The following CDH4 variants were observed in gnomAD, a reference collection of about 807,000 sequenced individuals.
CDH4 encodes the protein cadherin-4.
Under a neutral mutation model 86.0 loss-of-function variants are expected in CDH4, and 33 were observed. The observed-to-expected ratio is 0.38, with a 90% CI of 0.29 to 0.51. CDH4 has a LOEUF of 0.51. Ranked by LOEUF, CDH4 falls within the 20% of genes least tolerant of loss-of-function variation. The pLI, the probability that CDH4 is intolerant of heterozygous loss-of-function variation, is 0.86. For synonymous variants in CDH4, 555 were observed against 549.4 expected, an observed-to-expected ratio of 1.01 and a Z score of -0.14; for missense variants, 1,114 against 1,307.4, an observed-to-expected ratio of 0.85 and a Z score of 2.28.
At chr20:61,688,129 T>A (rs763839508) in intron 2 of CDH4, among the ~76,000 whole-genome samples, 6 of 152,112 alleles carry the variant, frequency 3.9e-5, no homozygotes, top group Non-Finnish European at 8.8e-5. Flanking sequence ...CCTCTGAGCT[T>A]CTGCAGGGCC....
chr20:61,293,695 C>T lies in CDH4; in HGVS notation c.169+38758C>T, dbSNP rs545706478. On this transcript the variant is annotated intron_variant, in intron 2 of 15. Transcript: ENST00000614565. ...TTTCTCCTCTGCCAAATGAGCACAG[C>T]ACCTCTTGGAGGGAGGTGAGGACCT... is the stretch of plus-strand genomic sequence containing the variant. 6.6e-5 allele frequency among the ~76,000 whole-genome samples: 10 copies of T among 152,304 alleles called. No homozygotes were observed. In the East Asian group the frequency reaches 1.9e-3, roughly 30 times the overall value.
chr20:61,521,543 C>A (rs1340622888), intron 2 of CDH4, among the ~76,000 whole-genome samples: 2 of 152,186 alleles, frequency 1.3e-5, no homozygotes, highest in Admixed American at 1.3e-4. Context: ...AGGGGGCCGC[C>A]AAGAAAACCA....
chr20:61,503,081 A>G (rs1332835691), intron 2 of CDH4, among the ~76,000 whole-genome samples: 1 of 152,050 alleles, frequency 6.6e-6, no homozygotes, highest in East Asian at 1.9e-4. Context: ...TGTGCTGGGT[A>G]CTCCTCCCAG....
chr20:61,881,942 A>C (rs148416244), intron 7 of CDH4, among the ~76,000 whole-genome samples: 3 of 152,332 alleles, frequency 2.0e-5, no homozygotes, highest in African/African-American at 7.2e-5. Context: ...AGAGGGAGAC[A>C]CAGGGGAGAA....
At chr20:61,759,554 C>T (rs1243309802) in intron 3 of CDH4, among the ~76,000 whole-genome samples, 1 of 152,220 alleles carries the variant, frequency 6.6e-6, no homozygotes, top group East Asian at 1.9e-4. Context: ...CACCGACCAT[C>T]TTTCTCACTA....
At chr20:61,421,542 G>A (rs376949487) in intron 2 of CDH4, among the ~76,000 whole-genome samples, 15 of 152,298 alleles carry the variant, frequency 9.8e-5, no homozygotes, top group African/African-American at 4.8e-5. Flanking sequence ...ATGGCTGAAC[G>A]GAATCAAGGG....
At chr20:61,578,833 A>C (rs149219950) in intron 2 of CDH4, among the ~76,000 whole-genome samples, 126 of 152,088 alleles carry the variant, frequency 8.3e-4, no homozygotes, top group African/African-American at 2.6e-3. Context: ...TCAGATCCAT[A>C]TACGTGGCCC....
rs1240049138 is a variant in CDH4 at position 61,311,169 on chromosome 20, G to A, written c.169+56232G>A. Among the ~76,000 whole-genome samples, 3 of 152,064 alleles carry A rather than the reference G, an allele frequency of 2.0e-5. No homozygotes were observed. The South Asian group carries it at 6.3e-4, about 32-fold the overall frequency. Reference sequence around the variant, plus strand: ...TAGTTGAATTCCAAGTGGATCAAACGTTTAAAATTAGCTCATTAAACACAC... The same window carrying A: ...TAGTTGAATTCCAAGTGGATCAAACATTTAAAATTAGCTCATTAAACACAC... On this transcript the variant is annotated intron_variant, in intron 2 of 15. Transcript: ENST00000614565.
rs1374538314 is a variant in CDH4, at chr20:61,684,075, G to C, written c.170-59488G>C. On this transcript the variant is annotated intron_variant, in intron 2 of 15. Transcript: ENST00000614565. The surrounding 1 kb of genome is among the most constrained non-coding windows in gnomAD (Gnocchi z 4.5). ...GTTTGGTGCTTCTTCCCTGTGTGTG[G>C]ATTCATTTAACAGGGTTGGCTGATA... 6.6e-6 allele frequency among the ~76,000 whole-genome samples: 1 copy of C among 152,260 alleles called. No homozygotes were observed. The highest frequency in any genetic ancestry group is 2.4e-5 in the African/African-American group (1 of 41,464).
chr20:61,425,186 C>T (rs1293389318), intron 2 of CDH4, among the ~76,000 whole-genome samples: 1 of 152,212 alleles, frequency 6.6e-6, no homozygotes, highest in East Asian at 1.9e-4. Context: ...GAGCTGCCTG[C>T]AGAGCTAGGT....
At chr20:61,559,799 G>A (rs947333904) in intron 2 of CDH4, among the ~76,000 whole-genome samples, 6 of 152,084 alleles carry the variant, frequency 3.9e-5, no homozygotes, top group Admixed American at 2.6e-4. Context: ...GATTATAGGT[G>A]TGAGCCACTG....
At chr20:61,661,504 A>G (rs1199973478) in intron 2 of CDH4, among the ~76,000 whole-genome samples, 2 of 139,706 alleles carry the variant, frequency 1.4e-5, no homozygotes, top group Non-Finnish European at 3.0e-5. Flanking sequence ...ACACTCATAC[A>G]TGTCAGAGTT....
intron 4 of CDH4, among the ~76,000 whole-genome samples, chr20:61,792,458 C>T (rs6061356): frequency 0.022 from 3,282 of 152,234 alleles, 42 homozygotes; most frequent in Middle Eastern, 0.065. Context: ...CTGCTGGGTG[C>T]GCGGGAGTTA....
At chr20:61,507,054 G>GACTCAAA (rs2085745954) in intron 2 of CDH4, among the ~76,000 whole-genome samples, 1 of 152,194 alleles carries the variant, frequency 6.6e-6, no homozygotes, top group Non-Finnish European at 1.5e-5. Flanking sequence ...GCCCCGTTTT[G>GACTCAAA]AGACTTTTGA....
chr20:61,469,735 T>A (rs2085491913), intron 2 of CDH4, among the ~76,000 whole-genome samples: 1 of 152,238 alleles, frequency 6.6e-6, no homozygotes, highest in South Asian at 2.1e-4. Context: ...TTGATTTCTG[T>A]ATATGGCAAG....
chr20:61,253,280 C>A (rs2123108192), intron 1 of CDH4, among the ~76,000 whole-genome samples: 1 of 150,572 alleles, frequency 6.6e-6, no homozygotes, highest in Middle Eastern at 3.5e-3. Context: ...CGCGGGAGGG[C>A]GCCCCGGGAG....
chr20:61,435,421 G>T (rs2085275258), intron 2 of CDH4, among the ~76,000 whole-genome samples: 1 of 152,270 alleles, frequency 6.6e-6, no homozygotes, highest in Non-Finnish European at 1.5e-5. Context: ...GATCCCTAGG[G>T]GGGCTCTGCT....
chr20:61,602,296 A>G (rs2086607536), intron 2 of CDH4, among the ~76,000 whole-genome samples: 2 of 152,136 alleles, frequency 1.3e-5, no homozygotes, highest in African/African-American at 2.4e-5. Flanking sequence ...GCAGGCAGAC[A>G]CCCGGTCCCC....
intron 2 of CDH4, among the ~76,000 whole-genome samples, chr20:61,523,232 G>A (rs1414868006): frequency 6.6e-6 from 1 of 152,208 alleles, no homozygotes; most frequent in Non-Finnish European, 1.5e-5. Context: ...TCACCATCAG[G>A]AGGCCTCATC....
Sources: gnomAD v4.1 joint callset for allele counts (sites outside exome capture counted in the v4.1 genomes callset) on GRCh38, gnomAD v4.1.1 for gene constraint, Gnocchi (gnomAD v3.1) non-coding constraint, MANE v1.5 for transcripts, NCBI Gene and HGNC (gene_info 2026-07-23, HGNC 2026-07-21) for gene names.